Variants in TPTE observed in about 807,000 individuals in gnomAD.
TPTE encodes the protein putative tyrosine-protein phosphatase TPTE.
TPTE carries 59 observed loss-of-function variants against 84.1 expected under a neutral mutation model. The observed-to-expected ratio is 0.70, with a 90% CI of 0.57 to 0.87. TPTE has a LOEUF of 0.87. Ranked by LOEUF, TPTE falls within the 40% of genes least tolerant of loss-of-function variation. TPTE has a pLI of 0.00. For synonymous variants in TPTE, 130 were observed against 223.5 expected, an observed-to-expected ratio of 0.58 and a Z score of 3.73; for missense variants, 382 against 659.6, an observed-to-expected ratio of 0.58 and a Z score of 4.61.
At chr21:10,574,399 A>G (rs1243463100) in intron 14 of TPTE, among the ~76,000 whole-genome samples, 1 of 152,310 alleles carries the variant, frequency 6.6e-6, no homozygotes, top group Non-Finnish European at 1.5e-5. Flanking sequence ...TCATCCCATG[A>G]CTAGAGAACG....
chr21:10,566,705 A>G (rs2074928824), intron 10 of TPTE, among the ~76,000 whole-genome samples: 1 of 152,306 alleles, frequency 6.6e-6, no homozygotes, highest in Admixed American at 6.5e-5. Flanking sequence ...GGCCAAGTGC[A>G]CTGGCTCATG....
Position 10,577,529 on chromosome 21 carries a change from A to G in TPTE, c.856+9A>G, listed in dbSNP as rs758566400. 4.3e-6 allele frequency: 7 copies of G among 1,614,002 alleles called. No homozygotes were observed. In the Admixed American group the frequency reaches 5.0e-5, roughly 12 times the overall value. ...AGTCTACAATCTATGCAGTATGTAC[A>G]TTACTCTATATTGTGCTACTGTAGA... is the stretch of plus-strand genomic sequence containing the variant. On this transcript the variant is annotated intron_variant, in intron 15 of 23. Transcript: ENST00000618007.
intron 11 of TPTE, among the ~76,000 whole-genome samples, chr21:10,569,022 G>A (rs1255657636): frequency 6.6e-6 from 1 of 152,312 alleles, no homozygotes. Context: ...TTGTTTTGAT[G>A]TGGAAAAAAT....
intron 10 of TPTE, among the ~76,000 whole-genome samples, chr21:10,562,744 A>G (rs1378209810): frequency 2.0e-5 from 3 of 152,218 alleles, no homozygotes; most frequent in Non-Finnish European, 4.4e-5. Context: ...AATAAAAAAC[A>G]ACGACGCCTG....
chr21:10,559,139 A>G (rs1478698296), intron 8 of TPTE, among the ~76,000 whole-genome samples: 2 of 152,308 alleles, frequency 1.3e-5, no homozygotes, highest in South Asian at 2.1e-4. Context: ...CCAGGCTGGC[A>G]TTAAAATACA....
intron 17 of TPTE, among the ~76,000 whole-genome samples, chr21:10,582,742 T>G (rs1208592361): frequency 1.3e-5 from 2 of 152,252 alleles, no homozygotes; most frequent in African/African-American, 2.4e-5. Context: ...GTTTTTTGTT[T>G]TTTTGTTTTG....
At position 10,595,543 on chromosome 21, in the gene TPTE, G is replaced by C. The variant is rs370475717; in HGVS notation, c.1171-439G>C. Among the ~76,000 whole-genome samples, 9 of 152,388 alleles carry C rather than the reference G, an allele frequency of 5.9e-5. No homozygotes were observed. The East Asian group carries it at 9.7e-4, about 16-fold the overall frequency. On this transcript the variant is annotated intron_variant, in intron 19 of 23. Transcript: ENST00000618007. ...TGTCAGGAACAAGAGAAGAGGGATG[G>C]GAAACCTGCTACTGAGGTTTGGAGG...
Position 10,596,046 on chromosome 21 carries a change from G to A in TPTE, c.1235G>A (p.Arg412Gln), listed in dbSNP as rs756871735. Residue 412 changes from arginine (R) to glutamine (Q), a missense_variant, in exon 20 of 24, where the codon CGG becomes CAG. By Grantham distance (43) the Arg-to-Gln change is conservative (BLOSUM62 1). This residue lies in a region of TPTE where 19 missense variants were observed against 59.2 expected (regional missense o/e 0.32). Transcript: ENST00000618007. ...HLYNWNLPPR[R>Q]ILFIKHFIIY... ...TACAACTGGAATCTCCCTCCAAGAC[G>A]GATACTCTTTATAAAACACTTCATT... 15 of 1,613,930 alleles carry A rather than the reference G, an allele frequency of 9.3e-6. No individual in the cohort carries two copies. Among genetic ancestry groups the A allele is most frequent in the African/African-American group, 4.0e-5 (3 of 75,044 alleles).
intron 7 of TPTE, among the ~76,000 whole-genome samples, chr21:10,546,643 A>G (rs1257643116): frequency 1.3e-5 from 2 of 152,310 alleles, no homozygotes; most frequent in Non-Finnish European, 2.9e-5. Context: ...AATGTTGAGA[A>G]AGCAAAACAG....
intron 8 of TPTE, among the ~76,000 whole-genome samples, 180 bp from the exon 9 acceptor site, chr21:10,559,314 G>A (rs1600900182): frequency 1.3e-5 from 2 of 152,422 alleles, no homozygotes; most frequent in East Asian, 1.9e-4. Flanking sequence ...TAGTAAACAA[G>A]TAAAATACTC....
intron 2 of TPTE, among the ~76,000 whole-genome samples, chr21:10,527,005 A>G (rs2074090830): frequency 6.6e-6 from 1 of 152,308 alleles, no homozygotes; most frequent in Non-Finnish European, 1.5e-5. Flanking sequence ...TTAAGTTCAC[A>G]AAATGTTTTA....
intron 17 of TPTE, among the ~76,000 whole-genome samples, chr21:10,581,984 C>T (rs1453533258): frequency 5.2e-5 from 8 of 152,414 alleles, no homozygotes; most frequent in African/African-American, 1.7e-4. Flanking sequence ...ATCCACCCAC[C>T]TCAGCTTCCC....
At chr21:10,571,804 C>T (rs1252285934) in intron 14 of TPTE, among the ~76,000 whole-genome samples, 1 of 152,310 alleles carries the variant, frequency 6.6e-6, no homozygotes, top group Non-Finnish European at 1.5e-5. Flanking sequence ...GCCAGGAGTT[C>T]AAGACAAGCC....
chr21:10,536,818 A>C (rs1412474434), intron 3 of TPTE, among the ~76,000 whole-genome samples: 1 of 152,312 alleles, frequency 6.6e-6, no homozygotes, highest in Non-Finnish European at 1.5e-5. Flanking sequence ...GCAGGCACAT[A>C]CTTAGGAAAG....
intron 22 of TPTE, among the ~76,000 whole-genome samples, chr21:10,602,486 G>A: frequency 6.6e-6 from 1 of 152,384 alleles, no homozygotes; most frequent in South Asian, 2.1e-4. Flanking sequence ...ATTTTGTTTT[G>A]CATCTTTTTT....
intron 7 of TPTE, among the ~76,000 whole-genome samples, chr21:10,550,179 G>A (rs1410828160): frequency 6.6e-6 from 1 of 152,310 alleles, no homozygotes; most frequent in African/African-American, 2.4e-5. Context: ...TCTTACATCT[G>A]GAAGTAAAAA....
chr21:10,595,045 T>C (rs1391952254), intron 19 of TPTE, among the ~76,000 whole-genome samples: 1 of 152,308 alleles, frequency 6.6e-6, no homozygotes, highest in Non-Finnish European at 1.5e-5. Context: ...TTTGTTTTGT[T>C]TTGTTTTTAA....
chr21:10,527,151 T>TCACA (rs1160648422), intron 2 of TPTE, among the ~76,000 whole-genome samples: 5 of 148,686 alleles, frequency 3.4e-5, no homozygotes, highest in African/African-American at 1.3e-4. Flanking sequence ...TCTCTCTCTC[T>TCACA]CTCTCTCACA....
At chr21:10,546,624 G>A (rs1265411080) in intron 7 of TPTE, among the ~76,000 whole-genome samples, 1 of 152,306 alleles carries the variant, frequency 6.6e-6, no homozygotes, top group Non-Finnish European at 1.5e-5. Context: ...CTACTCCAGT[G>A]AACATACAAA....
Sources: gnomAD v4.1 joint callset for allele counts (sites outside exome capture counted in the v4.1 genomes callset) on GRCh38, gnomAD v4.1.1 for gene constraint, gnomAD v4.1.1 regional missense constraint, MANE v1.5 for transcripts, NCBI Gene and HGNC (gene_info 2026-07-23, HGNC 2026-07-21) for gene names.